Variants in RNF180 observed in about 807,000 individuals in gnomAD.
RNF180 encodes the protein E3 ubiquitin-protein ligase RNF180.
Under a neutral mutation model 59.2 loss-of-function variants are expected in RNF180, and 38 were observed. That is an observed-to-expected ratio of 0.64 (90% CI 0.50 to 0.84). RNF180 has a LOEUF of 0.84. RNF180 is among the 40% of genes least tolerant of loss of function. The probability of loss-of-function intolerance (pLI) is 0.00; values close to 1 mark genes in which losing one functional copy is unlikely to be tolerated. For synonymous variants in RNF180, 262 were observed against 240.3 expected, an observed-to-expected ratio of 1.09 and a Z score of -0.84; for missense variants, 705 against 700.9, an observed-to-expected ratio of 1.01 and a Z score of -0.07.
intron 7 of RNF180, among the ~76,000 whole-genome samples, chr5:64,336,152 C>T (rs1448880320): frequency 6.6e-6 from 1 of 152,174 alleles, no homozygotes; most frequent in Non-Finnish European, 1.5e-5. Context: ...ACTTCACTCT[C>T]ATCCCATAGC....
At chr5:64,264,729 C>T (rs1445276403) in intron 5 of RNF180, among the ~76,000 whole-genome samples, 3 of 152,110 alleles carry the variant, frequency 2.0e-5, no homozygotes, top group Non-Finnish European at 2.9e-5. Flanking sequence ...GATTTATAAT[C>T]CTTTGGGTAT....
chr5:64,370,070 G>A lies in RNF180; in HGVS notation c.*256G>A, dbSNP rs1183169069. On this transcript the variant is annotated 3_prime_UTR_variant, in exon 8 of 8. Coordinates refer to ENST00000389100, the MANE Select transcript of RNF180 (RefSeq NM_001113561.2). Reference sequence around the variant, plus strand: ...CATAGTTGTTCTTGGGTTAGGATTTGGGGCTCTGATTTTATAATATCACTT... The same window carrying A: ...CATAGTTGTTCTTGGGTTAGGATTTAGGGCTCTGATTTTATAATATCACTT... 4 of 248,248 alleles carry A rather than the reference G, an allele frequency of 1.6e-5. No homozygotes were observed. Among genetic ancestry groups the A allele is most frequent in the African/African-American group, 6.7e-5 (3 of 44,988 alleles). 15.4% of individuals were successfully genotyped at this position (248,248 alleles called of 1,614,324 possible).
chr5:64,275,401 G>A (rs1741659378), intron 5 of RNF180, among the ~76,000 whole-genome samples: 1 of 150,678 alleles, frequency 6.6e-6, no homozygotes, highest in Non-Finnish European at 1.5e-5. Flanking sequence ...AGAATAAGAT[G>A]TAGAGAGAAG....
chr5:64,184,798 C>T (rs1750792841), intron 1 of RNF180, among the ~76,000 whole-genome samples: 1 of 152,152 alleles, frequency 6.6e-6, no homozygotes, highest in South Asian at 2.1e-4. Flanking sequence ...CTCAAGGTCA[C>T]ATGCTAGTCT....
At chr5:64,197,412 ATGT>A (rs1751509854) in intron 1 of RNF180, among the ~76,000 whole-genome samples, 1 of 152,174 alleles carries the variant, frequency 6.6e-6, no homozygotes. Context: ...TAATATTAAG[ATGT>A]TGTTTGCCTT....
intron 1 of RNF180, among the ~76,000 whole-genome samples, chr5:64,171,882 G>A (rs1394083612): frequency 1.3e-5 from 2 of 152,058 alleles, no homozygotes; most frequent in African/African-American, 4.8e-5. Context: ...GTATAAGGAA[G>A]CAAAGTTAAG....
At chr5:64,364,225 A>C (rs1746362500) in intron 7 of RNF180, among the ~76,000 whole-genome samples, 1 of 151,888 alleles carries the variant, frequency 6.6e-6, no homozygotes, top group Admixed American at 6.6e-5. Context: ...GTGTTGTCAT[A>C]GATGGCCCTT....
At chr5:64,204,154 G>T (rs1273936132) in intron 2 of RNF180, among the ~76,000 whole-genome samples, 2 of 151,744 alleles carry the variant, frequency 1.3e-5, no homozygotes, top group African/African-American at 2.4e-5. Context: ...CTTCTGGATA[G>T]TATTCCAGAA....
At chr5:64,238,721 C>A (rs577231612) in intron 5 of RNF180, among the ~76,000 whole-genome samples, 1 of 152,216 alleles carries the variant, frequency 6.6e-6, no homozygotes, top group Non-Finnish European at 1.5e-5. Context: ...TCCTTATATA[C>A]TTTGGAGATT....
chr5:64,332,724 C>T (rs939719337), intron 7 of RNF180, among the ~76,000 whole-genome samples: 6 of 151,976 alleles, frequency 3.9e-5, no homozygotes, highest in Non-Finnish European at 8.8e-5. Context: ...TTTATGAAAC[C>T]GTAGTTTATC....
At chr5:64,270,026 A>AACAC (rs146625939) in intron 5 of RNF180, among the ~76,000 whole-genome samples, 4,168 of 148,664 alleles carry the variant, frequency 0.028, 169 homozygotes, top group African/African-American at 0.09. Flanking sequence ...CAGTAACAAT[A>AACAC]ACACACACAC....
chr5:64,362,679 T>G (rs1228855070), intron 7 of RNF180, among the ~76,000 whole-genome samples: 1 of 151,918 alleles, frequency 6.6e-6, no homozygotes, highest in Non-Finnish European at 1.5e-5. Flanking sequence ...CTTTCCACAA[T>G]GGCTGAACTA....
intron 7 of RNF180, among the ~76,000 whole-genome samples, chr5:64,366,494 T>C (rs1746451853): frequency 6.6e-6 from 1 of 151,578 alleles, no homozygotes; most frequent in African/African-American, 2.4e-5. Context: ...TTGGCCTCTA[T>C]AGCTAGGTTG....
At chr5:64,291,416 C>CTTTT (rs1207692101) in intron 5 of RNF180, among the ~76,000 whole-genome samples, 2 of 71,784 alleles carry the variant, frequency 2.8e-5, no homozygotes, top group African/African-American at 6.3e-5. Flanking sequence ...AGTATGTTTT[C>CTTTT]TTTTTTTTTT....
intron 5 of RNF180, among the ~76,000 whole-genome samples, chr5:64,244,447 A>G (rs1743024414): frequency 6.6e-6 from 1 of 152,244 alleles, no homozygotes; most frequent in African/African-American, 2.4e-5. Flanking sequence ...AAGCATACAC[A>G]AGTATCAATA....
chr5:64,331,069 G>A (rs1351678278), intron 7 of RNF180, among the ~76,000 whole-genome samples: 2 of 152,226 alleles, frequency 1.3e-5, no homozygotes, highest in Non-Finnish European at 2.9e-5. Flanking sequence ...ACCCAGCCAA[G>A]TGTGTACACT....
At chr5:64,240,956 G>T (rs1742772206) in intron 5 of RNF180, among the ~76,000 whole-genome samples, 3 of 151,952 alleles carry the variant, frequency 2.0e-5, no homozygotes, top group Non-Finnish European at 4.4e-5. Flanking sequence ...TACCCTACTG[G>T]ACTATAAATC....
intron 5 of RNF180, among the ~76,000 whole-genome samples, chr5:64,307,006 TA>T (rs34634856): frequency 0.093 from 13,815 of 148,916 alleles, 764 homozygotes; most frequent in South Asian, 0.17. Flanking sequence ...AAAATAAAAA[TA>T]AAAAAAAAGA....
chr5:64,219,505 A>G (rs1044462549), intron 5 of RNF180, among the ~76,000 whole-genome samples: 1 of 151,868 alleles, frequency 6.6e-6, no homozygotes, highest in African/African-American at 2.4e-5. Context: ...TTTCTGGAAA[A>G]TAATGAGGAT....
Sources: gnomAD v4.1 joint callset for allele counts (sites outside exome capture counted in the v4.1 genomes callset) on GRCh38, gnomAD v4.1.1 for gene constraint, MANE v1.5 for transcripts, NCBI Gene and HGNC (gene_info 2026-07-23, HGNC 2026-07-21) for gene names.